Variants in TANGO6 observed in about 807,000 individuals in gnomAD.
TANGO6 encodes transport and Golgi organization protein 6 homolog.
Under a neutral mutation model 114.2 loss-of-function variants are expected in TANGO6, and 90 were observed. The observed-to-expected ratio is 0.79, with a 90% CI of 0.66 to 0.94. TANGO6 has a LOEUF of 0.94. Ranked by LOEUF, TANGO6 falls within the 40% of genes least tolerant of loss-of-function variation. The probability of loss-of-function intolerance (pLI) is 0.00; values close to 1 mark genes in which losing one functional copy is unlikely to be tolerated. For missense variants in TANGO6, 1,274 were observed against 1,315.3 expected, an observed-to-expected ratio of 0.97 and a Z score of 0.49; for synonymous variants, 477 against 509.8, an observed-to-expected ratio of 0.94 and a Z score of 0.87.
intron 17 of TANGO6, among the ~76,000 whole-genome samples, chr16:69,048,560 A>C (rs1399969968): frequency 6.6e-6 from 1 of 151,964 alleles, no homozygotes; most frequent in East Asian, 1.9e-4. Flanking sequence ...AGCTGTTTTA[A>C]GTTCTGAGGC....
chr16:69,003,808 C>G (rs1483477481), intron 15 of TANGO6, among the ~76,000 whole-genome samples: 1 of 152,048 alleles, frequency 6.6e-6, no homozygotes, highest in African/African-American at 2.4e-5. Flanking sequence ...TACTTTAGGA[C>G]AAGAATTTAC....
intron 16 of TANGO6, chr16:69,035,483 C>T (rs1007652450): frequency 6.6e-6 from 1 of 152,188 alleles, no homozygotes; most frequent in Non-Finnish European, 1.5e-5. Context: ...TTGGAATTTT[C>T]CAAAGTCAGT....
chr16:69,031,955 G>A (rs115452762), intron 16 of TANGO6, among the ~76,000 whole-genome samples: 3,930 of 152,012 alleles, frequency 0.026, 181 homozygotes, highest in African/African-American at 0.09. Flanking sequence ...GAGTCACTCC[G>A]CCCAGCTGAC....
chr16:68,967,211 G>T (rs1223522297), intron 14 of TANGO6, among the ~76,000 whole-genome samples: 1 of 152,184 alleles, frequency 6.6e-6, no homozygotes, highest in Non-Finnish European at 1.5e-5. Flanking sequence ...GGACGGGACG[G>T]TGTTGGGAGG....
At chr16:68,974,330 T>A (rs1195502458) in intron 15 of TANGO6, among the ~76,000 whole-genome samples, 162 bp downstream of exon 15, 1 of 152,200 alleles carries the variant, frequency 6.6e-6, no homozygotes, top group African/African-American at 2.4e-5. Flanking sequence ...CGATGTCTAC[T>A]ATGAGACTGA....
chr16:69,028,876 A>G (rs1390664295), intron 16 of TANGO6, among the ~76,000 whole-genome samples: 4 of 150,368 alleles, frequency 2.7e-5, no homozygotes, highest in East Asian at 3.9e-4. Flanking sequence ...AAAAAAAAAG[A>G]AAAAGAAAAA....
At chr16:68,974,998 C>T (rs1963749131) in intron 15 of TANGO6, among the ~76,000 whole-genome samples, 1 of 151,466 alleles carries the variant, frequency 6.6e-6, no homozygotes, top group Non-Finnish European at 1.5e-5. Context: ...GTCGAGGCTG[C>T]AGTGAGCAAT....
intron 13 of TANGO6, 39 bp from the exon 14 acceptor site, chr16:68,930,199 C>G (rs1339670161): frequency 1.3e-6 from 2 of 1,530,386 alleles, no homozygotes; most frequent in African/African-American, 2.8e-5. Flanking sequence ...CTTCCTTGTT[C>G]TTTGTAAATC....
At chr16:69,033,281 G>T (rs1959629064) in intron 16 of TANGO6, among the ~76,000 whole-genome samples, 1 of 152,212 alleles carries the variant, frequency 6.6e-6, no homozygotes, top group Non-Finnish European at 1.5e-5. Flanking sequence ...GAATTGCTTA[G>T]TTCCAGGGTG....
intron 15 of TANGO6, among the ~76,000 whole-genome samples, chr16:69,021,947 G>A (rs1002787220): frequency 1.6e-4 from 23 of 148,200 alleles, no homozygotes; most frequent in South Asian, 8.5e-4. Flanking sequence ...GTGCAGTGGC[G>A]CAATCTCGGC....
At chr16:68,905,252 G>A (rs1962834889) in intron 9 of TANGO6, among the ~76,000 whole-genome samples, 3 of 147,668 alleles carry the variant, frequency 2.0e-5, no homozygotes, top group African/African-American at 5.0e-5. Context: ...AAATAAAATT[G>A]GGGCTGGGCG....
chr16:69,071,260 C>T (rs560342078), intron 17 of TANGO6, among the ~76,000 whole-genome samples: 2 of 152,240 alleles, frequency 1.3e-5, no homozygotes, highest in East Asian at 1.9e-4. Context: ...ATTTTCCAGC[C>T]CTCACTCAAA....
intron 15 of TANGO6, among the ~76,000 whole-genome samples, chr16:68,981,051 T>G (rs1187200400): frequency 3.9e-5 from 6 of 152,202 alleles, no homozygotes; most frequent in Non-Finnish European, 1.5e-5. Flanking sequence ...AAGGAACAAT[T>G]TAGGAGTTTT....
intron 1 of TANGO6, among the ~76,000 whole-genome samples, chr16:68,852,494 A>G (rs938172024): frequency 6.6e-6 from 1 of 152,088 alleles, no homozygotes; most frequent in African/African-American, 2.4e-5. Flanking sequence ...GCTGATGTCC[A>G]TATATATTTT....
chr16:69,016,824 T>A (rs1411708351), intron 15 of TANGO6, among the ~76,000 whole-genome samples: 1 of 152,034 alleles, frequency 6.6e-6, no homozygotes, highest in Non-Finnish European at 1.5e-5. Context: ...CACACCTGGC[T>A]AAATTTTTTG....
Position 68,927,853 on chromosome 16 carries a change from C to T in TANGO6, c.2413C>T (p.Pro805Ser), listed in dbSNP as rs1963188815. 1 of 1,614,010 alleles carries T rather than the reference C, an allele frequency of 6.2e-7. No homozygotes were observed. The highest frequency in any genetic ancestry group is 1.7e-5 in the Admixed American group (1 of 60,014). Residue 805 changes from proline to serine, a missense_variant, in exon 13 of 18, where the codon CCC becomes TCC. Physicochemically the swap from Pro to Ser is moderately conservative, Grantham distance 74. Transcript: ENST00000261778. ...LEQQQSHETA[P>S]QTGLQSNAPI... Reference sequence around the variant, plus strand: ...ACAACAGCAGAGCCATGAGACAGCCCCCCAGACAGGCCTGCAGTCAAATGC... The same window carrying T: ...ACAACAGCAGAGCCATGAGACAGCCTCCCAGACAGGCCTGCAGTCAAATGC...
chr16:68,890,468 G>T (rs1962597285), intron 7 of TANGO6, among the ~76,000 whole-genome samples: 1 of 152,248 alleles, frequency 6.6e-6, no homozygotes, highest in Non-Finnish European at 1.5e-5. Flanking sequence ...TCACAAAGGT[G>T]ACAGAAACAA....
chr16:68,934,109 C>T (rs1718626526), intron 14 of TANGO6, among the ~76,000 whole-genome samples: 2 of 149,736 alleles, frequency 1.3e-5, no homozygotes, highest in Non-Finnish European at 3.0e-5. Context: ...GTGGCATGAT[C>T]GTGGTTCATT....
intron 15 of TANGO6, among the ~76,000 whole-genome samples, chr16:69,016,661 T>C (rs1435591113): frequency 6.6e-6 from 1 of 152,092 alleles, no homozygotes; most frequent in African/African-American, 2.4e-5. Context: ...TTATGTATTT[T>C]ATTTTATTTA....
Sources: gnomAD v4.1 joint callset for allele counts (sites outside exome capture counted in the v4.1 genomes callset) on GRCh38, gnomAD v4.1.1 for gene constraint, MANE v1.5 for transcripts, NCBI Gene and HGNC (gene_info 2026-07-23, HGNC 2026-07-21) for gene names.